Variants in KLHL13 observed in about 807,000 individuals in gnomAD.
KLHL13 encodes the protein kelch like family member 13.
In KLHL13, 10 loss-of-function variants were observed where a neutral mutation model predicts 37.1. The ratio of observed to expected loss-of-function variants is 0.27; its 90% CI spans 0.17 to 0.46. The LOEUF is 0.46. KLHL13 is among the 20% of genes least tolerant of loss of function. The pLI is 1.00. For missense variants in KLHL13, 360 were observed against 509.3 expected (o/e 0.71, Z 2.82); for synonymous variants, 163 against 181.2 (o/e 0.90, Z 0.81).
Position 117,899,398 on chromosome X carries a change from A to G in KLHL13, c.1481-3T>C, listed in dbSNP as rs41309542. ...GAAAGTATCATGAGTAATTCCTCCT[A>G]AAGAATGAAAACAATAGTTTTGAAG... is the stretch of plus-strand genomic sequence containing the variant. On this transcript the variant is annotated splice_polypyrimidine_tract_variant and splice_region_variant and intron_variant, in intron 6 of 6. Transcript: ENST00000262820. 28 of 1,170,816 alleles carry G rather than the reference A, an allele frequency of 2.4e-5. No homozygotes were observed. Among genetic ancestry groups the G allele is most frequent in the Non-Finnish European group, 3.2e-5 (28 of 871,223 alleles).
chrX:118,020,548 T>C (rs1285415579), intron 1 of KLHL13, among the ~76,000 whole-genome samples: 3 of 110,671 alleles, frequency 2.7e-5, no homozygotes, highest in Non-Finnish European at 1.9e-5. Context: ...TTGGTGGGAC[T>C]GTAAACTAGT....
chrX:117,973,693 ACT>A (rs891288639), exon 1 of KLHL13: 8 of 837,755 alleles, frequency 9.5e-6, no homozygotes, highest in South Asian at 7.9e-5. Context: ...CACAAATATC[ACT>A]CTCTCTTCTG....
At chrX:118,096,757 T>C (rs988821229) in intron 1 of KLHL13, among the ~76,000 whole-genome samples, 1 of 111,825 alleles carries the variant, frequency 8.9e-6, no homozygotes. Flanking sequence ...ATCCCTGGGA[T>C]GCAAGGCTGG....
At chrX:118,004,629 C>T (rs1172682069) in intron 1 of KLHL13, among the ~76,000 whole-genome samples, 1 of 112,024 alleles carries the variant, frequency 8.9e-6, no homozygotes, top group African/African-American at 3.2e-5. Flanking sequence ...ACTATGATTC[C>T]ATATTGATGC....
intron 1 of KLHL13, among the ~76,000 whole-genome samples, chrX:117,950,192 C>T (rs1043122663): frequency 2.7e-5 from 3 of 112,626 alleles, no homozygotes; most frequent in East Asian, 2.8e-4. Context: ...CCAGGCTGGG[C>T]GTGGTGGCTC....
At chrX:118,052,038 T>C (rs992155888) in intron 1 of KLHL13, among the ~76,000 whole-genome samples, 1 of 110,993 alleles carries the variant, frequency 9.0e-6, no homozygotes, top group African/African-American at 3.3e-5. Flanking sequence ...AATCTAAAAA[T>C]AGATCAAAAT....
intron 1 of KLHL13, among the ~76,000 whole-genome samples, chrX:118,056,259 T>C (rs2054683992): frequency 8.9e-6 from 1 of 112,150 alleles, no homozygotes; most frequent in Non-Finnish European, 1.9e-5. Context: ...ACAGAAAAAG[T>C]ACAAAATTTA....
At chrX:117,919,668 G>A in exon 4 of KLHL13, 1 of 1,206,575 alleles carries the variant, frequency 8.3e-7, no homozygotes, top group Non-Finnish European at 1.1e-6. Context: ...GACCGACTTT[G>A]CTCACACCAT....
intron 1 of KLHL13, among the ~76,000 whole-genome samples, chrX:117,984,044 T>TTTACTA (rs2053695949): frequency 8.9e-6 from 1 of 112,158 alleles, no homozygotes; most frequent in South Asian, 3.7e-4. Context: ...TCTAGGTTCA[T>TTTACTA]TTACTACCAA....
intron 1 of KLHL13, among the ~76,000 whole-genome samples, chrX:117,971,856 A>G (rs2053527904): frequency 8.9e-6 from 1 of 111,877 alleles, no homozygotes; most frequent in Non-Finnish European, 1.9e-5. Context: ...TTTAAAAATA[A>G]CACTCAAATT....
At chrX:117,972,685 T>G in intron 1 of KLHL13, 1 of 1,119,222 alleles carries the variant, frequency 8.9e-7, no homozygotes, top group Non-Finnish European at 1.2e-6. Context: ...ACAAGGTAGA[T>G]TCATGAATGA....
exon 1 of KLHL13, chrX:117,972,795 T>C (rs763128966): frequency 7.4e-6 from 9 of 1,210,318 alleles, no homozygotes; most frequent in South Asian, 3.5e-5. Context: ...AATTTCCAGA[T>C]AGCAGGAGAG....
intron 1 of KLHL13, among the ~76,000 whole-genome samples, chrX:118,097,681 C>A (rs2055228418): frequency 8.9e-6 from 1 of 111,801 alleles, no homozygotes; most frequent in South Asian, 3.8e-4. Context: ...TCAAACTATA[C>A]TACAAGGCTA....
intron 1 of KLHL13, among the ~76,000 whole-genome samples, chrX:118,029,625 T>G (rs1283103844): frequency 8.9e-6 from 1 of 112,331 alleles, no homozygotes; most frequent in Admixed American, 9.5e-5. Context: ...TAAAATCAAT[T>G]TATTACATTG....
intron 4 of KLHL13, among the ~76,000 whole-genome samples, chrX:117,912,349 C>T (rs1449961642): frequency 9.0e-6 from 1 of 111,627 alleles, no homozygotes; most frequent in Non-Finnish European, 1.9e-5. Flanking sequence ...AATGATACTA[C>T]CAGTTGCCAG....
intron 1 of KLHL13, among the ~76,000 whole-genome samples, chrX:118,098,950 AAGGGGGG>A (rs2055249592): frequency 5.4e-5 from 1 of 18,459 alleles, no homozygotes; most frequent in Non-Finnish European, 9.2e-5. Context: ...GGGGTGGGGG[AAGGGGGG>A]AGGGGGGAGA....
chrX:118,033,635 C>A (rs893167684), intron 1 of KLHL13, among the ~76,000 whole-genome samples: 63 of 109,600 alleles, frequency 5.7e-4, no homozygotes, highest in African/African-American at 1.9e-3. Flanking sequence ...GCTGCAAAAT[C>A]ATGCCAAAAT....
intron 1 of KLHL13, 112 bp from the exon 3 acceptor site, chrX:117,945,687 T>C: frequency 7.0e-6 from 4 of 573,434 alleles, no homozygotes; most frequent in Middle Eastern, 5.1e-4. Flanking sequence ...CCATGCAATA[T>C]GGTGAATATT....
At chrX:118,113,575 T>C (rs1216118392) in intron 1 of KLHL13, among the ~76,000 whole-genome samples, 1 of 112,340 alleles carries the variant, frequency 8.9e-6, no homozygotes, top group East Asian at 2.8e-4. Context: ...TCTGCAAGAA[T>C]GTTATCTCGG....
Sources: allele counts gnomAD v4.1 joint callset (sites outside exome capture counted in the v4.1 genomes callset), GRCh38; gene constraint gnomAD v4.1.1; transcripts MANE v1.5; gene names NCBI Gene and HGNC (gene_info 2026-07-23, HGNC 2026-07-21).